KATNIP: variants seen among roughly 807,000 people sequenced by gnomAD.
The protein encoded by KATNIP is katanin-interacting protein.
A neutral mutation model predicts 174.0 loss-of-function variants in KATNIP; 126 were observed. The ratio of observed to expected loss-of-function variants is 0.72; its 90% CI spans 0.63 to 0.84. KATNIP has a LOEUF of 0.84. KATNIP is among the 40% of genes least tolerant of loss of function. KATNIP has a pLI of 0.00. For missense variants in KATNIP, 1,958 were observed against 2,109.7 expected, an observed-to-expected ratio of 0.93 and a Z score of 1.41; for synonymous variants, 810 against 835.7, an observed-to-expected ratio of 0.97 and a Z score of 0.53.
rs1567399737 is a variant in KATNIP, at chr16:27,751,835, G to T, written c.3463G>T (p.Asp1155Tyr). 4 of 1,614,064 alleles carry T rather than the reference G, an allele frequency of 2.5e-6. No individual in the cohort carries two copies. The highest frequency in any genetic ancestry group is 1.7e-5 in the Admixed American group (1 of 60,000). The stretch of plus-strand genomic sequence containing the variant: ...TGTGGGGAGCCTGGACAGCCTGCAG[G>T]ATGAAGAGGCAATGAGGAGGCCCAG... ...LDVGSLDSLQDEEAMRRPSTA... is the reference protein window; with the variant it reads ...LDVGSLDSLQYEEAMRRPSTA... Residue 1155 changes from aspartate (D) to tyrosine (Y), a missense_variant, in exon 17 of 28, where the codon GAT becomes TAT. Physicochemically the swap from Asp to Tyr is radical, Grantham distance 160. Coordinates refer to ENST00000261588, the MANE Select transcript of KATNIP (RefSeq NM_015202.5).
At chr16:27,678,035 GTC>G (rs747492364) in intron 7 of KATNIP, 39 bp downstream of exon 7, 32 of 1,599,864 alleles carry the variant, frequency 2.0e-5, no homozygotes, top group Non-Finnish European at 2.6e-5. Flanking sequence ...TGCCATTGGT[GTC>G]TCTGCATCTA....
Position 27,777,332 on chromosome 16 carries a change from C to T in KATNIP, c.4552-278C>T, listed in dbSNP as rs887803525. On this transcript the variant is annotated intron_variant, in intron 25 of 27. Coordinates refer to ENST00000261588, the MANE Select transcript of KATNIP (RefSeq NM_015202.5). The surrounding 1 kb of genome is among the most constrained non-coding windows in gnomAD (Gnocchi z 4.4). ...AAACAGGGACCCTGGATACCAGAGA[C>T]CCAAGTTTGCCTCCAGCTCTGCCAC... Among the ~76,000 whole-genome samples the T allele has an allele frequency of 1.3e-5, 2 of 152,212 alleles. No homozygotes were observed. The highest frequency in any genetic ancestry group is 1.3e-4 in the Admixed American group (2 of 15,288).
intron 8 of KATNIP, among the ~76,000 whole-genome samples, chr16:27,692,774 C>CCTTG (rs1437030438): frequency 6.6e-6 from 1 of 152,202 alleles, no homozygotes; most frequent in Non-Finnish European, 1.5e-5. Context: ...TGCTTTGTGA[C>CCTTG]TACAAGGTCA....
At chr16:27,585,775 G>A (rs2090873550) in intron 2 of KATNIP, among the ~76,000 whole-genome samples, 1 of 152,194 alleles carries the variant, frequency 6.6e-6, no homozygotes, top group African/African-American at 2.4e-5. Flanking sequence ...GAGGGTGGCA[G>A]GAGAAGTGAG....
intron 1 of KATNIP, among the ~76,000 whole-genome samples, chr16:27,557,430 A>ATTT (rs35106167): frequency 5.9e-5 from 7 of 119,430 alleles, no homozygotes; most frequent in African/African-American, 2.2e-4. Context: ...ACAGGTGTGG[A>ATTT]TTTTTTTTTT....
chr16:27,705,821 G>T (rs2079276861), intron 12 of KATNIP, among the ~76,000 whole-genome samples: 1 of 151,930 alleles, frequency 6.6e-6, no homozygotes, highest in Admixed American at 6.6e-5. Flanking sequence ...GACTACAGGG[G>T]CCCCCCAGCA....
chr16:27,664,628 G>A (rs1443253334), intron 6 of KATNIP, among the ~76,000 whole-genome samples: 1 of 152,122 alleles, frequency 6.6e-6, no homozygotes, highest in African/African-American at 2.4e-5. Context: ...CTTACTTTTT[G>A]TCTCTTTGAT....
At chr16:27,762,752 T>G (rs1381690267) in intron 19 of KATNIP, among the ~76,000 whole-genome samples, 1 of 152,202 alleles carries the variant, frequency 6.6e-6, no homozygotes, top group Non-Finnish European at 1.5e-5. Flanking sequence ...CATTAACTGC[T>G]CATGGGCCCC....
At chr16:27,569,142 G>A (rs542395496) in intron 1 of KATNIP, among the ~76,000 whole-genome samples, 218 of 152,324 alleles carry the variant, frequency 1.4e-3, no homozygotes, top group Non-Finnish European at 2.1e-3. Flanking sequence ...CCTGTAGACT[G>A]TACTTTACGG....
chr16:27,740,138 A>G lies in KATNIP; in HGVS notation c.1841A>G (p.Asp614Gly). ...AAAGGAGATAGGGAGGCCCCAGCTG[A>G]CCACAGCATCCTGGTTGACCAGAAG... Reference protein sequence around the residue: ...LDKGDREAPADHSILVDQKNE... With the variant: ...LDKGDREAPAGHSILVDQKNE... The change falls in exon 15 of 28, where the codon GAC becomes GGC. Residue 614 changes from aspartate (D) to glycine (G), a missense_variant. Asp to Gly is a moderately conservative substitution (Grantham distance 94). This residue lies in a region of KATNIP where 1,557 missense variants were observed against 1,617.8 expected (regional missense o/e 0.96). Transcript: ENST00000261588. 1 of 1,614,172 alleles carries G rather than the reference A, an allele frequency of 6.2e-7. No individual in the cohort carries two copies. Among genetic ancestry groups the G allele is most frequent in the Non-Finnish European group, 8.5e-7 (1 of 1,180,036 alleles).
At chr16:27,684,528 A>G (rs962990760) in intron 8 of KATNIP, among the ~76,000 whole-genome samples, 2 of 152,248 alleles carry the variant, frequency 1.3e-5, no homozygotes, top group African/African-American at 4.8e-5. Flanking sequence ...AAGTTGAACC[A>G]TGTATCAACT....
chr16:27,685,141 C>T (rs1476258708), intron 8 of KATNIP: 2 of 152,388 alleles, frequency 1.3e-5, no homozygotes, highest in South Asian at 2.1e-4. Context: ...AATCCCAGCA[C>T]TTTGGGAGGC....
chr16:27,727,460 GC>G, intron 14 of KATNIP: 1 of 152,596 alleles, frequency 6.6e-6, no homozygotes, highest in South Asian at 2.1e-4. Context: ...GAGCCACCAC[GC>G]CCGGTCCTGA....
chr16:27,728,974 G>A (rs546762647), intron 14 of KATNIP, among the ~76,000 whole-genome samples: 1 of 152,362 alleles, frequency 6.6e-6, no homozygotes, highest in African/African-American at 2.4e-5. Flanking sequence ...TGTCTGGAGG[G>A]TGGAGCTTCC....
chr16:27,773,341 T>C lies in KATNIP; in HGVS notation c.4309+132T>C, dbSNP rs2082379767. The C allele has an allele frequency of 3.3e-6, 2 of 605,700 alleles. 1 individual carries two copies. Among genetic ancestry groups the C allele is most frequent in the South Asian group, 4.5e-5 (2 of 44,886 alleles). 37.5% of individuals were successfully genotyped at this position (605,700 alleles called of 1,614,324 possible). A position where few individuals can be genotyped will look rare whatever the true frequency, so the allele number is the denominator to read the frequency against. On this transcript the variant is annotated intron_variant, in intron 23 of 27. Transcript: ENST00000261588. ...ACCAGAGCCCAGGGGGCTTTGCTTATAGTCAGATGCTGACCCTTGGGGACG... is the reference window on the plus strand; with the variant it reads ...ACCAGAGCCCAGGGGGCTTTGCTTACAGTCAGATGCTGACCCTTGGGGACG...
chr16:27,735,525 C>T (rs1042502018), intron 14 of KATNIP, among the ~76,000 whole-genome samples: 14 of 152,204 alleles, frequency 9.2e-5, no homozygotes, highest in Non-Finnish European at 1.0e-4. Context: ...AGCTGTTCCC[C>T]GGTGAATTCA....
intron 13 of KATNIP, among the ~76,000 whole-genome samples, chr16:27,710,874 G>T (rs1214517306): frequency 1.3e-5 from 2 of 152,188 alleles, no homozygotes; most frequent in East Asian, 3.9e-4. Context: ...CCATTTTAAA[G>T]AAGAGGAAAC....
intron 19 of KATNIP, among the ~76,000 whole-genome samples, chr16:27,765,334 A>G (rs1047568046): frequency 6.6e-6 from 1 of 152,240 alleles, no homozygotes. Flanking sequence ...CCACTTGAGG[A>G]TGAACAGGAT....
In KATNIP at chr16:27,779,998, G is replaced by C. The variant is rs1035808912; in HGVS notation, c.*1369G>C. The C allele has an allele frequency of 6.6e-6, 1 of 152,138 alleles. No individual in the cohort carries two copies. The highest frequency in any genetic ancestry group is 2.4e-5 in the African/African-American group (1 of 41,410). The allele number at this position is 152,138 out of a possible 1,614,324, so 9.4% of individuals were successfully genotyped here. A position where few individuals can be genotyped will look rare whatever the true frequency, so the allele number is the denominator to read the frequency against. On this transcript the variant is annotated 3_prime_UTR_variant, in exon 28 of 28. Coordinates refer to ENST00000261588, the MANE Select transcript of KATNIP (RefSeq NM_015202.5). ...GTGAAGATAAGAATTGTTTCTCCTG[G>C]AGAAAGATCCATCATTTCTCCAGCT...
Sources: gnomAD v4.1 joint callset for allele counts (sites outside exome capture counted in the v4.1 genomes callset) on GRCh38, gnomAD v4.1.1 for gene constraint, gnomAD v4.1.1 regional missense constraint, Gnocchi (gnomAD v3.1) non-coding constraint, MANE v1.5 for transcripts, NCBI Gene and HGNC (gene_info 2026-07-23, HGNC 2026-07-21) for gene names.